The following CWF19L2 variants were observed in gnomAD, a reference collection of about 807,000 sequenced individuals.
CWF19L2 encodes CWF19-like protein 2.
A neutral mutation model predicts 111.7 loss-of-function variants in CWF19L2; 98 were observed. The ratio of observed to expected loss-of-function variants is 0.88; its 90% confidence interval spans 0.75 to 1.04. The LOEUF (loss-of-function observed/expected upper bound fraction) is 1.04. Ranked by LOEUF, CWF19L2 falls within the 50% of genes least tolerant of loss-of-function variation. CWF19L2 has a pLI of 0.00. For synonymous variants in CWF19L2, 351 were observed against 342.9 expected (o/e 1.02, Z -0.26); for missense variants, 1,101 against 1,051.4 (o/e 1.05, Z -0.65).
intron 2 of CWF19L2, among the ~76,000 whole-genome samples, chr11:107,455,366 T>G (rs372169809): frequency 6.6e-6 from 1 of 152,102 alleles, no homozygotes; most frequent in Admixed American, 6.5e-5. Flanking sequence ...TAAAATAAAA[T>G]AAATACATAA....
chr11:107,409,107 A>C (rs907274273), intron 10 of CWF19L2, among the ~76,000 whole-genome samples: 38 of 151,920 alleles, frequency 2.5e-4, no homozygotes, highest in African/African-American at 9.2e-4. Context: ...AAAAAAAAAA[A>C]AGACACAGTC....
chr11:107,379,934 C>T (rs1186836077), intron 12 of CWF19L2, among the ~76,000 whole-genome samples: 3 of 150,670 alleles, frequency 2.0e-5, no homozygotes, highest in Admixed American at 6.6e-5. Context: ...GGTTGCAGGC[C>T]CCTATAGTCC....
At chr11:107,351,020 T>C (rs1028654090) in intron 13 of CWF19L2, among the ~76,000 whole-genome samples, 9 of 152,210 alleles carry the variant, frequency 5.9e-5, no homozygotes, top group African/African-American at 1.9e-4. Flanking sequence ...GCCTGCCTCA[T>C]AGGCGACAAT....
chr11:107,392,572 T>C (rs902266414), intron 11 of CWF19L2, among the ~76,000 whole-genome samples: 24 of 152,212 alleles, frequency 1.6e-4, no homozygotes, highest in African/African-American at 5.8e-4. Flanking sequence ...TAACAACTAT[T>C]TGAAAAAATA....
chr11:107,341,610 C>T (rs1230803245), intron 14 of CWF19L2, among the ~76,000 whole-genome samples: 1 of 152,124 alleles, frequency 6.6e-6, no homozygotes, highest in Non-Finnish European at 1.5e-5. Context: ...ATAATACAAA[C>T]TCCCAATATG....
At chr11:107,422,991 C>T (rs867394551) in intron 8 of CWF19L2, among the ~76,000 whole-genome samples, 50 of 151,770 alleles carry the variant, frequency 3.3e-4, no homozygotes, top group African/African-American at 1.1e-3. Context: ...ATTTTCATTC[C>T]CCTCATATTA....
intron 12 of CWF19L2, among the ~76,000 whole-genome samples, chr11:107,375,772 A>G (rs1375816748): frequency 9.7e-6 from 1 of 103,124 alleles, no homozygotes; most frequent in South Asian, 3.2e-4. Flanking sequence ...AACTAAAATC[A>G]GAGCAGAACT....
At chr11:107,411,089 G>GCGCACACACACA (rs1491125517) in intron 10 of CWF19L2, among the ~76,000 whole-genome samples, 354 of 148,792 alleles carry the variant, frequency 2.4e-3, no homozygotes, top group African/African-American at 8.0e-3. Flanking sequence ...GCGCGTGCGT[G>GCGCACACACACA]CACACACACA....
chr11:107,367,698 G>T (rs1860451061), intron 12 of CWF19L2, among the ~76,000 whole-genome samples: 1 of 72,098 alleles, frequency 1.4e-5, no homozygotes, highest in Non-Finnish European at 2.6e-5. Context: ...GAGGGGGGAG[G>T]GATAGCATTG....
chr11:107,370,030 A>G (rs555212817), intron 12 of CWF19L2, among the ~76,000 whole-genome samples: 2 of 137,616 alleles, frequency 1.5e-5, no homozygotes, highest in African/African-American at 5.8e-5. Flanking sequence ...CATTATTGAC[A>G]TAACTACCAA....
At chr11:107,379,340 G>T (rs770230648) in intron 12 of CWF19L2, among the ~76,000 whole-genome samples, 28 of 152,168 alleles carry the variant, frequency 1.8e-4, no homozygotes, top group Non-Finnish European at 3.8e-4. Flanking sequence ...GGTGAGAGGG[G>T]TTGCTATTGG....
chr11:107,358,102 T>G (rs1000392184), intron 12 of CWF19L2, among the ~76,000 whole-genome samples: 1 of 152,218 alleles, frequency 6.6e-6, no homozygotes, highest in Admixed American at 6.5e-5. Flanking sequence ...ACAAGTGTTG[T>G]CAAGGATGTG....
intron 9 of CWF19L2, among the ~76,000 whole-genome samples, chr11:107,416,836 C>T (rs1861233458): frequency 6.6e-6 from 1 of 152,130 alleles, no homozygotes; most frequent in South Asian, 2.1e-4. Context: ...CAAGCACCAC[C>T]ACAGTGTTCT....
chr11:107,333,088 T>TG (rs1491240438), intron 16 of CWF19L2, among the ~76,000 whole-genome samples: 16 of 146,374 alleles, frequency 1.1e-4, no homozygotes, highest in African/African-American at 3.8e-4. Context: ...AGACTCTGTC[T>TG]AAAAAAAAAA....
chr11:107,433,817 T>C (rs1263695475), intron 6 of CWF19L2, 68 bp from the exon 7 acceptor site: 26 of 464,132 alleles, frequency 5.6e-5, no homozygotes, highest in Non-Finnish European at 6.2e-5. Flanking sequence ...ATGTATTGCT[T>C]CTATGACTTC....
intron 14 of CWF19L2, among the ~76,000 whole-genome samples, chr11:107,347,535 C>T (rs1312205356): frequency 6.6e-6 from 1 of 152,282 alleles, no homozygotes; most frequent in Middle Eastern, 3.4e-3. Flanking sequence ...CAATTATTTT[C>T]CTTTCTCACA....
At chr11:107,389,214 A>G (rs1860813878) in intron 12 of CWF19L2, among the ~76,000 whole-genome samples, 1 of 152,218 alleles carries the variant, frequency 6.6e-6, no homozygotes, top group African/African-American at 2.4e-5. Flanking sequence ...ACTACCAAAA[A>G]GTAACCATTG....
At chr11:107,404,240 T>C (rs1174006961) in intron 10 of CWF19L2, 2 of 778,116 alleles carry the variant, frequency 2.6e-6, no homozygotes, top group African/African-American at 1.7e-5. Flanking sequence ...TTCGTATCCA[T>C]TTAAATATTC....
chr11:107,330,164 TTAAA>T, intron 16 of CWF19L2, 145 bp from the exon 17 acceptor site: 2 of 465,854 alleles, frequency 4.3e-6, no homozygotes, highest in Non-Finnish European at 7.4e-6. Flanking sequence ...CTAGAGATAT[TTAAA>T]CAATGACCTA....
Sources: gnomAD v4.1 joint callset for allele counts (sites outside exome capture counted in the v4.1 genomes callset) on GRCh38, gnomAD v4.1.1 for gene constraint, MANE v1.5 for transcripts, NCBI Gene and HGNC (gene_info 2026-07-23, HGNC 2026-07-21) for gene names.